EFCAB14: variants seen among roughly 807,000 people sequenced by gnomAD.
EFCAB14 encodes EF-hand calcium binding domain 14, also known as EF-hand calcium-binding domain-containing protein 14.
In EFCAB14, 43 loss-of-function variants were observed where a neutral mutation model predicts 56.5. The observed-to-expected ratio is 0.76, with a 90% CI of 0.60 to 0.98. The LOEUF is 0.98. Ranked by LOEUF, EFCAB14 falls within the 50% of genes least tolerant of loss-of-function variation. The pLI, the probability that EFCAB14 is intolerant of heterozygous loss-of-function variation, is 0.00. For missense variants in EFCAB14, 538 were observed against 580.3 expected (o/e 0.93, Z 0.75); for synonymous variants, 235 against 212.9 (o/e 1.10, Z -0.90).
At chr1:46,706,582 C>T (rs1050528373) in intron 3 of EFCAB14, among the ~76,000 whole-genome samples, 9 of 152,138 alleles carry the variant, frequency 5.9e-5, no homozygotes, top group Non-Finnish European at 1.5e-5. Context: ...CCAGTTTGCC[C>T]CAGGAGAGAT....
chr1:46,685,183 T>C (rs1445436698), intron 8 of EFCAB14: 1 of 152,274 alleles, frequency 6.6e-6, no homozygotes, highest in African/African-American at 2.4e-5. Context: ...ATATTTCTAA[T>C]TCAAAGTCTT....
intron 4 of EFCAB14, among the ~76,000 whole-genome samples, chr1:46,696,051 T>C (rs2082648076): frequency 6.6e-6 from 1 of 152,042 alleles, no homozygotes; most frequent in Admixed American, 6.6e-5. Flanking sequence ...TCGTTCCACA[T>C]ATCCTTGCCA....
At chr1:46,694,792 G>A (rs911837311) in intron 4 of EFCAB14, among the ~76,000 whole-genome samples, 17 of 152,014 alleles carry the variant, frequency 1.1e-4, no homozygotes, top group East Asian at 3.9e-4. Context: ...TGTTTATTGC[G>A]GCACTATTCA....
chr1:46,684,655 A>C, intron 8 of EFCAB14, 53 bp from the exon 9 acceptor site: 1 of 1,420,460 alleles, frequency 7.0e-7, no homozygotes. Flanking sequence ...GACTTCATCT[A>C]AGTGTCCACT....
At position 46,702,046 on chromosome 1, in the gene EFCAB14, C is replaced by A. The variant is rs971787132; in HGVS notation, c.481-5397G>T. 2.6e-5 allele frequency among the ~76,000 whole-genome samples: 4 copies of A among 152,108 alleles called. No homozygotes were observed. The South Asian group carries it at 8.3e-4, about 32-fold the overall frequency. ...TCTAGAATGTCAGATCAGATTCAGG[C>A]ATTAGAAAAGTCACACTTTGGAATT... On this transcript the variant is annotated intron_variant, in intron 3 of 10. Transcript: ENST00000371933.
intron 2 of EFCAB14, among the ~76,000 whole-genome samples, chr1:46,715,502 C>T (rs894218173): frequency 6.6e-5 from 10 of 152,156 alleles, no homozygotes; most frequent in Non-Finnish European, 1.2e-4. Flanking sequence ...TTATTATTGC[C>T]CATTCCTATG....
chr1:46,685,495 A>G (rs1676866569), intron 8 of EFCAB14, among the ~76,000 whole-genome samples: 1 of 152,194 alleles, frequency 6.6e-6, no homozygotes, highest in African/African-American at 2.4e-5. Context: ...CACTCAGTTT[A>G]TTTAGGGAGC....
Position 46,696,509 on chromosome 1 carries a change from C to G in EFCAB14, c.579+42G>C, listed in dbSNP as rs772271763. ...TATGGCAAATAGTACCCACACATGG[C>G]ACCTACCTTCTGAAGTCTCTGTACC... On this transcript the variant is annotated intron_variant, in intron 4 of 10. Coordinates refer to ENST00000371933, the MANE Select transcript of EFCAB14 (RefSeq NM_014774.3). 5.1e-6 allele frequency: 8 copies of G among 1,566,750 alleles called. 1 individual carries two copies. In the South Asian group the frequency reaches 9.0e-5, roughly 18 times the overall value.
At position 46,717,964 on chromosome 1, in the gene EFCAB14, CAG is replaced by C; in HGVS notation, c.122_123del (p.Ser41Ter). Reference protein sequence around the residue: ...LLRTEPPDSDSESSSEEEEEF... With the variant: ...LLRTEPPDSDXESSSEEEEEF... ...TCCTCTTCCTCTTCGGAGCTGGACTCAGAGTCTGAGTCGGGAGGCTCAGTGCG... is the reference window on the plus strand; with the variant it reads ...TCCTCTTCCTCTTCGGAGCTGGACTCAGTCTGAGTCGGGAGGCTCAGTGCG... On this transcript the variant is annotated frameshift_variant, in exon 1 of 11. Coordinates refer to ENST00000371933, the MANE Select transcript of EFCAB14 (RefSeq NM_014774.3). LOFTEE classifies it high-confidence loss of function. The C allele has an allele frequency of 2.5e-6, 4 of 1,614,224 alleles. No homozygotes were observed. Among genetic ancestry groups the C allele is most frequent in the Non-Finnish European group, 2.5e-6 (3 of 1,180,040 alleles).
intron 4 of EFCAB14, among the ~76,000 whole-genome samples, chr1:46,692,918 G>C (rs2148843624): frequency 6.6e-6 from 1 of 152,274 alleles, no homozygotes; most frequent in East Asian, 1.9e-4. Flanking sequence ...CTGGAACCCA[G>C]GGATAAGGTT....
chr1:46,699,433 A>G (rs1395709785), intron 3 of EFCAB14, among the ~76,000 whole-genome samples: 1 of 152,174 alleles, frequency 6.6e-6, no homozygotes, highest in Non-Finnish European at 1.5e-5. Flanking sequence ...CTTCCACAAG[A>G]CTATAAGCTC....
chr1:46,684,565 C>G lies in EFCAB14; in HGVS notation c.1112G>C (p.Arg371Thr). Residue 371 changes from arginine to threonine, a missense_variant, in exon 9 of 11, where the codon AGA (arginine) becomes ACA (threonine). Transcript: ENST00000371933. ...AGCACTGATCAGCTGGAGTTTCTCT[C>G]TTAGCTTGGATACCTGAGAATTTGA... is the stretch of plus-strand genomic sequence containing the variant. ...DSSNSQVSKL[R>T]EKLQLISALT... is the part of the protein sequence containing the mutation. 2 of 1,614,064 alleles carry G rather than the reference C, an allele frequency of 1.2e-6. No homozygotes were observed. Among genetic ancestry groups the G allele is most frequent in the East Asian group, 4.5e-5 (2 of 44,886 alleles).
At chr1:46,699,466 CTT>C (rs1020041552) in intron 3 of EFCAB14, among the ~76,000 whole-genome samples, 7 of 152,178 alleles carry the variant, frequency 4.6e-5, no homozygotes, top group African/African-American at 1.7e-4. Context: ...GACCATGTCT[CTT>C]TTACTTTCCA....
intron 3 of EFCAB14, among the ~76,000 whole-genome samples, chr1:46,702,805 A>C (rs756878276): frequency 6.6e-6 from 1 of 152,098 alleles, no homozygotes; most frequent in Admixed American, 6.5e-5. Context: ...ATTTGGACTG[A>C]GTGCTAAAAG....
chr1:46,682,274 T>C (rs1163762186), intron 10 of EFCAB14: 1 of 152,066 alleles, frequency 6.6e-6, no homozygotes, highest in African/African-American at 2.4e-5. Flanking sequence ...GGTAAGGAAA[T>C]GTTCCTGGTA....
In EFCAB14 at chr1:46,678,287, GTCT is replaced by G. The variant is rs1307363261; in HGVS notation, c.*171_*173del. The G allele has an allele frequency of 5.7e-5, 28 of 494,918 alleles. No homozygotes were observed. Among genetic ancestry groups the G allele is most frequent in the African/African-American group, 1.4e-4 (7 of 50,098 alleles). 30.7% of individuals were successfully genotyped at this position (494,918 alleles called of 1,614,324 possible). A position where few individuals can be genotyped will look rare whatever the true frequency, so the allele number is the denominator to read the frequency against. The stretch of plus-strand genomic sequence containing the variant: ...ATTTCTGAACATCATAAGTAAAATG[GTCT>G]TCTTCTTTAAAAAAATAACTTTTAT... On this transcript the variant is annotated 3_prime_UTR_variant, in exon 11 of 11. Coordinates refer to ENST00000371933, the MANE Select transcript of EFCAB14 (RefSeq NM_014774.3).
intron 3 of EFCAB14, among the ~76,000 whole-genome samples, chr1:46,704,476 C>CA (rs35092498): frequency 0.42 from 31,031 of 73,918 alleles, 6,311 homozygotes; most frequent in Non-Finnish European, 0.49. Flanking sequence ...GATTGTGTCT[C>CA]AAAAAAAAAA....
At chr1:46,689,808 G>T in intron 5 of EFCAB14, 117 bp from the exon 6 acceptor site, 1 of 861,228 alleles carries the variant, frequency 1.2e-6, no homozygotes. Flanking sequence ...AGATTAATCA[G>T]TAAGTATTGC....
At chr1:46,683,160 C>T in intron 10 of EFCAB14, 140 bp downstream of exon 10, 2 of 908,744 alleles carry the variant, frequency 2.2e-6, no homozygotes, top group Non-Finnish European at 3.3e-6. Context: ...GATTATATGA[C>T]ATAATGCATA....
Sources: allele counts gnomAD v4.1 joint callset (sites outside exome capture counted in the v4.1 genomes callset), GRCh38; gene constraint gnomAD v4.1.1; transcripts MANE v1.5; gene names NCBI Gene and HGNC (gene_info 2026-07-23, HGNC 2026-07-21).